Variants in MANEAL observed in about 807,000 individuals in gnomAD.
The protein encoded by MANEAL is mannosidase endo-alpha like.
A neutral mutation model predicts 35.9 loss-of-function variants in MANEAL; 28 were observed. The observed-to-expected ratio is 0.78, with a 90% confidence interval of 0.58 to 1.07. The LOEUF (loss-of-function observed/expected upper bound fraction) is 1.07, where lower values mean the gene tolerates loss of function less well. Among genes scored for constraint, MANEAL ranks in the 50% least tolerant of loss-of-function variants. The pLI, the probability that MANEAL is intolerant of heterozygous loss-of-function variation, is 0.00. For synonymous variants in MANEAL, 286 were observed against 272.2 expected, an observed-to-expected ratio of 1.05 and a Z score of -0.50; for missense variants, 576 against 629.6, an observed-to-expected ratio of 0.91 and a Z score of 0.91.
In MANEAL at chr1:37,794,494, C is replaced by A; in HGVS notation, c.312C>A (p.Asp104Glu). Residue 104 changes from aspartate to glutamate, a missense_variant, in exon 1 of 4, where the codon GAC becomes GAA. Asp to Glu is a conservative substitution (Grantham distance 45, BLOSUM62 2). Around this residue, in one of 3 missense-constraint regions of MANEAL, gnomAD observed 449 missense variants for 516.1 expected, o/e 0.87. Coordinates refer to ENST00000373045, the MANE Select transcript of MANEAL (RefSeq NM_001113482.2). The surrounding 1 kb of genome is among the most constrained non-coding windows in gnomAD (Gnocchi z 5.7). ...APVQSLRVYS[D>E]LHAFYYSWYG... ...TGCAGAGCCTGCGCGTCTACTCGGACCTGCACGCCTTCTACTACTCGTGGT... is the reference window on the plus strand; with the variant it reads ...TGCAGAGCCTGCGCGTCTACTCGGAACTGCACGCCTTCTACTACTCGTGGT... 1 of 1,606,110 alleles carries A rather than the reference C, an allele frequency of 6.2e-7. No homozygotes were observed. Among genetic ancestry groups the A allele is most frequent in the East Asian group, 2.2e-5 (1 of 44,594 alleles).
intron 2 of MANEAL, among the ~76,000 whole-genome samples, chr1:37,796,227 C>T (rs530016934): frequency 6.6e-6 from 1 of 152,154 alleles, no homozygotes; most frequent in Non-Finnish European, 1.5e-5. Context: ...GTGTTCTCAG[C>T]AGGTGGGCTC....
Sources: gnomAD v4.1 joint callset for allele counts (sites outside exome capture counted in the v4.1 genomes callset) on GRCh38, gnomAD v4.1.1 for gene constraint, gnomAD v4.1.1 regional missense constraint, Gnocchi (gnomAD v3.1) non-coding constraint, MANE v1.5 for transcripts, NCBI Gene and HGNC (gene_info 2026-07-23, HGNC 2026-07-21) for gene names.